The following MOV10L1 variants were observed in gnomAD, a reference collection of about 807,000 sequenced individuals.
MOV10L1 encodes the protein RNA helicase Mov10l1.
Under a neutral mutation model 143.8 loss-of-function variants are expected in MOV10L1, and 110 were observed. That is an observed-to-expected ratio of 0.76 (90% CI 0.66 to 0.90). The LOEUF (loss-of-function observed/expected upper bound fraction) is 0.90, where lower values mean the gene tolerates loss of function less well. Among genes scored for constraint, MOV10L1 ranks in the 40% least tolerant of loss-of-function variants. The probability of loss-of-function intolerance (pLI) is 0.00; values close to 1 mark genes in which losing one functional copy is unlikely to be tolerated. For missense variants in MOV10L1, 1,406 were observed against 1,526.8 expected (o/e 0.92, Z 1.32); for synonymous variants, 593 against 581.1 (o/e 1.02, Z -0.29).
chr22:50,128,301 T>A (rs1350778001), intron 12 of MOV10L1, 115 bp from the exon 13 acceptor site: 7 of 643,406 alleles, frequency 1.1e-5, no homozygotes, highest in Middle Eastern at 3.1e-4. Context: ...TCAACTAATT[T>A]TGCAGATATC....
In MOV10L1 at chr22:50,150,829, T is replaced by C. The variant is rs2063279269; in HGVS notation, c.2822T>C (p.Leu941Pro). ...CTGAACGTGTCCTTTTTGGAACGGCTGATGTCTCGACCCGCGTACCAGAGG... is the reference window on the plus strand; with the variant it reads ...CTGAACGTGTCCTTTTTGGAACGGCCGATGTCTCGACCCGCGTACCAGAGG... The part of the protein sequence containing the change: ...YGLNVSFLER[L>P]MSRPAYQRDE... Residue 941 changes from leucine (L) to proline (P), a missense_variant, in exon 21 of 27, where the codon CTG becomes CCG. Around this residue, in one of 3 missense-constraint regions of MOV10L1, gnomAD observed 1,233 missense variants for 1,351.4 expected, o/e 0.91. Coordinates refer to ENST00000262794, the MANE Select transcript of MOV10L1 (RefSeq NM_018995.3). The C allele has an allele frequency of 6.2e-7, 1 of 1,614,108 alleles. No individual in the cohort carries two copies. Among genetic ancestry groups the C allele is most frequent in the African/African-American group, 1.3e-5 (1 of 74,926 alleles).
intron 2 of MOV10L1, 38 bp downstream of exon 2, chr22:50,092,223 C>G (rs1432384715): frequency 1.3e-6 from 2 of 1,568,332 alleles, no homozygotes; most frequent in African/African-American, 1.4e-5. Context: ...TTTTTCTTCG[C>G]CACGGGACTT....
chr22:50,160,499 C>T lies in MOV10L1; in HGVS notation c.3325-189C>T, dbSNP rs536782759. ...CGATCTCCTGACCTCGTGATCCTCC[C>T]GCCTCGGCCTCCCAAAGGCTGGGAT... On this transcript the variant is annotated intron_variant, in intron 24 of 26. Coordinates refer to ENST00000262794, the MANE Select transcript of MOV10L1 (RefSeq NM_018995.3). Among the ~76,000 whole-genome samples the T allele has an allele frequency of 2.1e-3, 318 of 152,116 alleles. 2 individuals carry two copies. The highest frequency in any genetic ancestry group is 7.5e-3 in the African/African-American group (312 of 41,514).
rs982658399 is a variant in MOV10L1 at position 50,153,148 on chromosome 22, T to G, written c.2996T>G (p.Val999Gly). The change falls in exon 22 of 27, where the codon GTG becomes GGG. Residue 999 changes from valine to glycine, a missense_variant. Val to Gly is a moderately radical substitution (Grantham distance 109). Coordinates refer to ENST00000262794, the MANE Select transcript of MOV10L1 (RefSeq NM_018995.3). ...RELEVCADPT[V>G]VTSLLGWEKL... ...CTCGAGGTCTGTGCGGACCCCACAG[T>G]GGTGACCTCCTTGCTGGGCTGGGAG... The G allele has an allele frequency of 6.2e-7, 1 of 1,613,968 alleles. No individual in the cohort carries two copies. The highest frequency in any genetic ancestry group is 8.5e-7 in the Non-Finnish European group (1 of 1,179,950).
In MOV10L1 at chr22:50,145,772, A is replaced by C. The variant is rs2272838; in HGVS notation, c.2589A>C (p.Thr863=). ...KASRFRIIIT[T]CSSSGLFYQI... is the part of the protein sequence containing the mutation. The stretch of plus-strand genomic sequence containing the variant: ...CACGCTTCCGGATAATCATCACCAC[A>C]TGCAGCAGCTCAGGGCTGTTTTACC... Residue 863 remains threonine, a synonymous_variant, in exon 19 of 27, where the codon ACA becomes ACC. Coordinates refer to ENST00000262794, the MANE Select transcript of MOV10L1 (RefSeq NM_018995.3). 0.24 allele frequency: 395,368 copies of C among 1,613,754 alleles called. 50,202 individuals carry two copies. Among genetic ancestry groups the C allele is most frequent in the Admixed American group, 0.4 (23,794 of 60,000 alleles).
chr22:50,100,617 G>A (rs765322869), intron 3 of MOV10L1, among the ~76,000 whole-genome samples: 10 of 151,964 alleles, frequency 6.6e-5, no homozygotes, highest in African/African-American at 2.2e-4. Flanking sequence ...GGGTTCAGGC[G>A]ATTCTCCTGC....
chr22:50,139,468 C>G (rs2062921097), intron 15 of MOV10L1, among the ~76,000 whole-genome samples: 1 of 151,412 alleles, frequency 6.6e-6, no homozygotes, highest in African/African-American at 2.4e-5. Flanking sequence ...TCCCAGTGAC[C>G]CAGGAGACTG....
rs867299462 is a variant in MOV10L1, at chr22:50,090,104, G to A, written c.16G>A (p.Ala6Thr). 2.2e-6 allele frequency: 3 copies of A among 1,358,744 alleles called. No homozygotes were observed. Among genetic ancestry groups the A allele is most frequent in the East Asian group, 6.1e-5 (2 of 32,542 alleles). 84.2% of individuals were successfully genotyped at this position (1,358,744 alleles called of 1,614,324 possible). Reference protein sequence around the residue: MLSLAAKLVAFFWRTA... With the variant: MLSLATKLVAFFWRTA... Reference sequence around the variant, plus strand: ...GGCGAGGGCCATGCTGAGCCTCGCAGCCAAGCTGGTGGCCTTCTTCTGGAG... The same window carrying A: ...GGCGAGGGCCATGCTGAGCCTCGCAACCAAGCTGGTGGCCTTCTTCTGGAG... Residue 6 changes from alanine (A) to threonine (T), a missense_variant, in exon 1 of 27, where the codon GCC becomes ACC. Ala to Thr is a moderately conservative substitution (Grantham distance 58, BLOSUM62 0). This residue lies in a region of MOV10L1 where 166 missense variants were observed against 153.9 expected (regional missense o/e 1.08). Coordinates refer to ENST00000262794, the MANE Select transcript of MOV10L1 (RefSeq NM_018995.3).
chr22:50,099,614 G>A lies in MOV10L1; in HGVS notation c.442+12G>A, dbSNP rs779422667. The A allele has an allele frequency of 1.9e-6, 3 of 1,594,962 alleles. No individual in the cohort carries two copies. The highest frequency in any genetic ancestry group is 2.6e-6 in the Non-Finnish European group (3 of 1,165,128). On this transcript the variant is annotated intron_variant, in intron 3 of 26. Transcript: ENST00000262794. Reference sequence around the variant, plus strand: ...GAGTGTGTGCGAAGGTATGCTCAGGGGTCTGTGTTCCACATTGAAAATTAG... The same window carrying A: ...GAGTGTGTGCGAAGGTATGCTCAGGAGTCTGTGTTCCACATTGAAAATTAG...
intron 2 of MOV10L1, among the ~76,000 whole-genome samples, chr22:50,097,077 T>G (rs903397491): frequency 1.3e-5 from 2 of 152,142 alleles, no homozygotes; most frequent in African/African-American, 4.8e-5. Context: ...TACCAAGAGT[T>G]TTATAGTTTT....
Position 50,113,945 on chromosome 22 carries a change from G to A in MOV10L1, c.884+157G>A, listed in dbSNP as rs532995783. Among the ~76,000 whole-genome samples the A allele has an allele frequency of 5.7e-5, 7 of 123,044 alleles. No homozygotes were observed. The South Asian group carries it at 9.7e-4, about 17-fold the overall frequency. 80.7% of individuals were successfully genotyped at this position (123,044 alleles called of 152,430 possible). On this transcript the variant is annotated intron_variant, in intron 6 of 26. Coordinates refer to ENST00000262794, the MANE Select transcript of MOV10L1 (RefSeq NM_018995.3). ...TTTTTTTTTTTTTTTTTGAGACAGC[G>A]TCTTGCTCCGTCGCCCGGGCTGGAG...
intron 22 of MOV10L1, among the ~76,000 whole-genome samples, chr22:50,154,903 C>T (rs2063387932): frequency 6.6e-6 from 1 of 152,182 alleles, no homozygotes; most frequent in African/African-American, 2.4e-5. Flanking sequence ...TCTTTGCCCT[C>T]TTCATTTTTT....
At chr22:50,130,465 A>T (rs1462734860) in intron 13 of MOV10L1, among the ~76,000 whole-genome samples, 1 of 152,138 alleles carries the variant, frequency 6.6e-6, no homozygotes, top group Non-Finnish European at 1.5e-5. Context: ...CTACGGGGGA[A>T]TGGAGAAATG....
In MOV10L1 at chr22:50,113,765, T is replaced by A; in HGVS notation, c.861T>A (p.Ser287Arg). The A allele has an allele frequency of 6.2e-7, 1 of 1,613,390 alleles. No individual in the cohort carries two copies. The highest frequency in any genetic ancestry group is 1.1e-5 in the South Asian group (1 of 90,990). The part of the protein sequence containing the change: ...THFGTLKEGR[S>R]KTMVIWIENK... ...TTGGAACCCTAAAGGAAGGAAGAAG[T>A]AAAACCATGGTGATCTGGATAGAGT... Residue 287 changes from serine (S) to arginine (R), a missense_variant, in exon 6 of 27, where the codon AGT becomes AGA. By Grantham distance (110) the Ser-to-Arg change is moderately radical. Coordinates refer to ENST00000262794, the MANE Select transcript of MOV10L1 (RefSeq NM_018995.3).
chr22:50,108,332 C>A (rs752592536), intron 4 of MOV10L1, 84 bp downstream of exon 4: 17 of 1,241,664 alleles, frequency 1.4e-5, no homozygotes, highest in Non-Finnish European at 1.7e-5. Context: ...GCTTCTCCTG[C>A]ATGTGTTGGA....
At chr22:50,132,782 C>T (rs982790809) in intron 13 of MOV10L1, among the ~76,000 whole-genome samples, 3 of 152,196 alleles carry the variant, frequency 2.0e-5, no homozygotes, top group East Asian at 1.9e-4. Context: ...CACCTGTAAT[C>T]CCAGCACTGT....
intron 18 of MOV10L1, among the ~76,000 whole-genome samples, chr22:50,144,772 G>A (rs987389897): frequency 1.1e-4 from 16 of 151,964 alleles, no homozygotes; most frequent in Middle Eastern, 3.4e-3. Context: ...TAGTAGAGAC[G>A]GAGTTTCACC....
rs115703540 is a variant in MOV10L1, at chr22:50,152,308, C to T, written c.2893-737C>T. Among the ~76,000 whole-genome samples the T allele has an allele frequency of 0.023, 3,524 of 152,280 alleles. 138 individuals are homozygous for T. Among genetic ancestry groups the T allele is most frequent in the African/African-American group, 0.081 (3,366 of 41,542 alleles). ...ATAGAGAGGACGGCTCCCCGCGGCA[C>T]AGACGCAGCGAGTCCTCATGCCAAT... On this transcript the variant is annotated intron_variant, in intron 21 of 26. Transcript: ENST00000262794. The surrounding 1 kb of genome is among the most constrained non-coding windows in gnomAD (Gnocchi z 4.4).
chr22:50,141,091 G>A (rs1397281807), intron 15 of MOV10L1, among the ~76,000 whole-genome samples: 3 of 150,718 alleles, frequency 2.0e-5, no homozygotes, highest in African/African-American at 4.9e-5. Flanking sequence ...TCGCTCTGTC[G>A]CCAGGCTGGA....
Sources: allele counts gnomAD v4.1 joint callset (sites outside exome capture counted in the v4.1 genomes callset), GRCh38; gene constraint gnomAD v4.1.1; regional missense constraint gnomAD v4.1.1; non-coding constraint Gnocchi (gnomAD v3.1); transcripts MANE v1.5; gene names NCBI Gene and HGNC (gene_info 2026-07-23, HGNC 2026-07-21).